The following TSPEAR variants were observed in gnomAD, a reference collection of about 807,000 sequenced individuals.
TSPEAR encodes thrombospondin-type laminin G domain and EAR repeat-containing protein.
In TSPEAR, 69 loss-of-function variants were observed where a neutral mutation model predicts 71.6. The observed-to-expected ratio is 0.96, with a 90% CI of 0.79 to 1.18. The LOEUF (loss-of-function observed/expected upper bound fraction) is 1.18. Among genes scored for constraint, TSPEAR ranks in the 50% most tolerant of loss-of-function variants. The probability of loss-of-function intolerance (pLI) is 0.00; values close to 1 mark genes in which losing one functional copy is unlikely to be tolerated. For missense variants in TSPEAR, 971 were observed against 894.9 expected (o/e 1.09, Z -1.09); for synonymous variants, 402 against 387.2 (o/e 1.04, Z -0.45).
chr21:44,518,036 CTT>C (rs1277693134), intron 9 of TSPEAR, among the ~76,000 whole-genome samples: 1 of 152,168 alleles, frequency 6.6e-6, no homozygotes, highest in Non-Finnish European at 1.5e-5. Context: ...AGAAGATACT[CTT>C]AACTTTATAT....
rs187041480 is a variant in TSPEAR at position 44,533,610 on chromosome 21, G to T, written c.542+75C>A. ...ACAGCTCCTGCAGGTGTTGCTCGGC[G>T]AGCACGGCTGAAGGATGCCTGGCCT... is the stretch of plus-strand genomic sequence containing the variant. On this transcript the variant is annotated intron_variant, in intron 3 of 11. Transcript: ENST00000323084. The T allele has an allele frequency of 4.9e-4, 634 of 1,284,766 alleles. 3 individuals are homozygous for T. In the African/African-American group the frequency reaches 8.1e-3, roughly 16 times the overall value. The allele number at this position is 1,284,766 out of a possible 1,614,324, so 79.6% of individuals were successfully genotyped here.
chr21:44,694,861 C>T (rs1555950252), intron 1 of TSPEAR, among the ~76,000 whole-genome samples: 1 of 152,172 alleles, frequency 6.6e-6, no homozygotes. Flanking sequence ...TTCCCGTGAG[C>T]CGGTGCAGCA....
chr21:44,623,009 A>T lies in TSPEAR; in HGVS notation c.83-55004T>A, dbSNP rs1011361039. Among the ~76,000 whole-genome samples the T allele has an allele frequency of 3.3e-5, 5 of 152,058 alleles. No individual in the cohort carries two copies. The highest frequency in any genetic ancestry group is 1.5e-5 in the Non-Finnish European group (1 of 68,026). The stretch of plus-strand genomic sequence containing the variant: ...TCTTGCTACTCTTTTGCCATGTGAC[A>T]TGCCCACTCCCCCTTCACCTTCCAC... On this transcript the variant is annotated intron_variant, in intron 1 of 11. Transcript: ENST00000323084. The surrounding 1 kb of genome is among the most constrained non-coding windows in gnomAD (Gnocchi z 4.5).
intron 1 of TSPEAR, among the ~76,000 whole-genome samples, chr21:44,694,931 T>C (rs1987268077): frequency 6.6e-6 from 1 of 152,180 alleles, no homozygotes; most frequent in Admixed American, 6.5e-5. Context: ...TTCTAGCTCT[T>C]CAATGTCCCT....
chr21:44,666,245 C>T, intron 1 of TSPEAR: 1 of 617,808 alleles, frequency 1.6e-6, no homozygotes, highest in Non-Finnish European at 2.7e-6. Context: ...GACTCTGGGA[C>T]CCCAGACTTC....
At chr21:44,634,668 G>A (rs1007624522) in intron 1 of TSPEAR, among the ~76,000 whole-genome samples, 6 of 152,022 alleles carry the variant, frequency 3.9e-5, no homozygotes, top group Non-Finnish European at 7.4e-5. Flanking sequence ...AATAGGCAAA[G>A]TCCTTTAATA....
rs782110806 is a variant in TSPEAR, at chr21:44,697,417, C to A, written c.82+14016G>T. The A allele has an allele frequency of 2.5e-6, 4 of 1,613,850 alleles. No homozygotes were observed. In the East Asian group the frequency reaches 8.9e-5, roughly 36 times the overall value. On this transcript the variant is annotated intron_variant, in intron 1 of 11. Transcript: ENST00000323084. ...GAGTGACCTGTGAGCCCAGCCCCTG[C>A]CAATCAGGCTGCACCAGCTCCTGCA... is the stretch of plus-strand genomic sequence containing the variant.
intron 2 of TSPEAR, among the ~76,000 whole-genome samples, chr21:44,548,267 C>A (rs1262394824): frequency 1.3e-5 from 2 of 152,224 alleles, no homozygotes; most frequent in African/African-American, 4.8e-5. Flanking sequence ...CGGGCTGCTG[C>A]CTTCCTGACT....
At chr21:44,689,822 T>A (rs1569261643) in intron 1 of TSPEAR, among the ~76,000 whole-genome samples, 1 of 147,478 alleles carries the variant, frequency 6.8e-6, no homozygotes, top group Non-Finnish European at 1.5e-5. Context: ...AGCAAAGAGA[T>A]CCAGTCTGAG....
chr21:44,600,295 A>G (rs1555928269), intron 1 of TSPEAR, among the ~76,000 whole-genome samples: 1 of 147,496 alleles, frequency 6.8e-6, no homozygotes, highest in African/African-American at 2.7e-5. Flanking sequence ...GGGACACTCT[A>G]TTTGCAGACA....
intron 1 of TSPEAR, among the ~76,000 whole-genome samples, chr21:44,618,483 T>G (rs1982247509): frequency 6.6e-6 from 1 of 152,238 alleles, no homozygotes; most frequent in Admixed American, 6.5e-5. Flanking sequence ...ATCCAAACTC[T>G]GGAAAATGGT....
intron 9 of TSPEAR, chr21:44,518,650 AC>A (rs1555913841): frequency 6.4e-6 from 3 of 469,074 alleles, no homozygotes; most frequent in African/African-American, 4.0e-5. Flanking sequence ...TGCTCTCAAG[AC>A]CCCCTGGAGG....
chr21:44,523,612 T>C (rs1346698655), intron 8 of TSPEAR, among the ~76,000 whole-genome samples: 3 of 151,030 alleles, frequency 2.0e-5, no homozygotes, highest in Non-Finnish European at 3.0e-5. Context: ...TAGTCAGTCA[T>C]CAGTCAGGTA....
intron 1 of TSPEAR, among the ~76,000 whole-genome samples, chr21:44,582,953 G>A (rs1429417029): frequency 6.6e-6 from 1 of 152,150 alleles, no homozygotes; most frequent in Non-Finnish European, 1.5e-5. Context: ...CTCCCGAGTA[G>A]CTGGGATTAC....
Position 44,601,873 on chromosome 21 carries a change from G to T in TSPEAR, c.83-33868C>A, listed in dbSNP as rs899442576. 2.8e-5 allele frequency: 33 copies of T among 1,194,792 alleles called. 1 individual carries two copies. In the South Asian group the frequency reaches 4.9e-4, roughly 18 times the overall value. 74.0% of individuals were successfully genotyped at this position (1,194,792 alleles called of 1,614,324 possible). A position where few individuals can be genotyped will look rare whatever the true frequency, so the allele number is the denominator to read the frequency against. The stretch of plus-strand genomic sequence containing the variant: ...GTGGTCAGCTGGCCATCCAGTGTGC[G>T]CTTCTCCTCCTAGAAGCAGCTCAGC... On this transcript the variant is annotated intron_variant, in intron 1 of 11. Coordinates refer to ENST00000323084, the MANE Select transcript of TSPEAR (RefSeq NM_144991.3).
intron 2 of TSPEAR, among the ~76,000 whole-genome samples, chr21:44,534,552 C>T (rs930618273): frequency 2.6e-5 from 4 of 151,908 alleles, no homozygotes; most frequent in South Asian, 2.1e-4. Context: ...CCGTAGGGAC[C>T]GGCTTAGTCA....
chr21:44,692,431 G>A (rs897171716), intron 1 of TSPEAR, among the ~76,000 whole-genome samples: 2 of 152,036 alleles, frequency 1.3e-5, no homozygotes, highest in African/African-American at 2.4e-5. Flanking sequence ...TTCTATTCAC[G>A]GGTGACATGA....
intron 9 of TSPEAR, among the ~76,000 whole-genome samples, chr21:44,510,523 C>T (rs1315187240): frequency 6.6e-6 from 1 of 152,264 alleles, no homozygotes; most frequent in Non-Finnish European, 1.5e-5. Flanking sequence ...GTCAGGCACC[C>T]TCCCTTGCTT....
intron 2 of TSPEAR, chr21:44,540,305 C>T (rs1169149021): frequency 8.7e-6 from 11 of 1,262,386 alleles, no homozygotes; most frequent in South Asian, 7.4e-5. Context: ...GGGCCCACAG[C>T]GTCCCCTTCC....
Sources: allele counts gnomAD v4.1 joint callset (sites outside exome capture counted in the v4.1 genomes callset), GRCh38; gene constraint gnomAD v4.1.1; non-coding constraint Gnocchi (gnomAD v3.1); transcripts MANE v1.5; gene names NCBI Gene and HGNC (gene_info 2026-07-23, HGNC 2026-07-21).